The following EXD2 variants were observed in gnomAD, a reference collection of about 807,000 sequenced individuals.
EXD2 encodes the protein exonuclease 3'-5' domain containing 2.
A neutral mutation model predicts 62.5 loss-of-function variants in EXD2; 40 were observed. The observed-to-expected ratio is 0.64, with a 90% confidence interval of 0.50 to 0.83. The LOEUF is 0.83. Among genes scored for constraint, EXD2 ranks in the 40% least tolerant of loss-of-function variants. The pLI, the probability that EXD2 is intolerant of heterozygous loss-of-function variation, is 0.00. For synonymous variants in EXD2, 239 were observed against 291.9 expected (o/e 0.82, Z 1.85); for missense variants, 671 against 761.8 (o/e 0.88, Z 1.40).
chr14:69,229,047 C>T lies in EXD2; in HGVS notation c.565C>T (p.Leu189Phe). 3 of 1,614,188 alleles carry T rather than the reference C, an allele frequency of 1.9e-6. No individual in the cohort carries two copies. Among genetic ancestry groups the T allele is most frequent in the Non-Finnish European group, 2.5e-6 (3 of 1,180,026 alleles). Residue 189 changes from leucine (L) to phenylalanine (F), a missense_variant, in exon 4 of 10, where the codon CTC becomes TTC. Physicochemically the swap from Leu to Phe is conservative, Grantham distance 22. Transcript: ENST00000685843. ...YGLVVRGCLD[L>F]RYLAMRQRNN... ...CCTCGTTGTTAGGGGGTGCCTGGAC[C>T]TCCGATACCTAGCCATGCGGCAGAG...
At chr14:69,198,545 T>C (rs1409956017) in intron 1 of EXD2, among the ~76,000 whole-genome samples, 2 of 152,252 alleles carry the variant, frequency 1.3e-5, no homozygotes, top group East Asian at 3.8e-4. Context: ...TGACTTGTCC[T>C]GTATCTACTC....
chr14:69,194,990 G>A lies in EXD2; in HGVS notation c.-132+3399G>A, dbSNP rs115240902. Reference sequence around the variant, plus strand: ...TCCCAGCACTTTGGGTGGTTGAGACGGGCGGATCACCAGGTCAAGAGTTTG... The same window carrying A: ...TCCCAGCACTTTGGGTGGTTGAGACAGGCGGATCACCAGGTCAAGAGTTTG... On this transcript the variant is annotated intron_variant, in intron 1 of 9. Coordinates refer to ENST00000685843, the MANE Select transcript of EXD2 (RefSeq NM_001193360.2). Among the ~76,000 whole-genome samples, 1,302 of 152,192 alleles carry A rather than the reference G, an allele frequency of 8.6e-3. 22 individuals carry two copies. The highest frequency in any genetic ancestry group is 0.03 in the African/African-American group (1,242 of 41,520).
chr14:69,209,562 G>C lies in EXD2; in HGVS notation c.92G>C (p.Arg31Pro), dbSNP rs182466488. The C allele has an allele frequency of 5.2e-5, 81 of 1,550,432 alleles. No homozygotes were observed. The highest frequency in any genetic ancestry group is 3.3e-4 in the Admixed American group (17 of 50,964). The change falls in exon 3 of 10, where the codon CGC becomes CCC. Residue 31 changes from arginine (R) to proline (P), a missense_variant. Coordinates refer to ENST00000685843, the MANE Select transcript of EXD2 (RefSeq NM_001193360.2). ...GTCCTCTGGAAAGGCATCCAGCGCC[G>C]CCGAAGGAGTAAAACGAGTCCTGTG... ...GFVLWKGIQR[R>P]RRSKTSPVTQ...
At chr14:69,208,366 A>G (rs2042686008) in intron 2 of EXD2, among the ~76,000 whole-genome samples, 1 of 151,594 alleles carries the variant, frequency 6.6e-6, no homozygotes. Context: ...GCCCGCCACC[A>G]CGCCTGGCTA....
chr14:69,228,281 T>A (rs2043437244), intron 3 of EXD2, among the ~76,000 whole-genome samples: 1 of 137,090 alleles, frequency 7.3e-6, no homozygotes, highest in South Asian at 2.5e-4. Flanking sequence ...AACCTCTGCC[T>A]CCCGGGTTCA....
At chr14:69,215,505 A>G (rs78860292) in intron 3 of EXD2, among the ~76,000 whole-genome samples, 5,694 of 152,260 alleles carry the variant, frequency 0.037, 118 homozygotes, top group African/African-American at 0.06. Context: ...CTGTTTACCA[A>G]GATCTTTTTA....
At chr14:69,231,164 T>C (rs2331956) in intron 5 of EXD2, among the ~76,000 whole-genome samples, 47,602 of 152,064 alleles carry the variant, frequency 0.31, 9,872 homozygotes, top group East Asian at 0.92. Flanking sequence ...AAAAAAAATA[T>C]AGTGTTATAA....
At chr14:69,237,446 G>T in intron 8 of EXD2, 129 bp from the exon 9 acceptor site, 2 of 766,158 alleles carry the variant, frequency 2.6e-6, no homozygotes, top group East Asian at 2.5e-5. Context: ...GATCTGTGTT[G>T]GGCGGTGGTG....
intron 9 of EXD2, among the ~76,000 whole-genome samples, chr14:69,239,637 A>T (rs1022181637): frequency 6.6e-6 from 1 of 152,234 alleles, no homozygotes. Context: ...CTATATCTTA[A>T]ATTTAAAAAA....
chr14:69,219,005 A>C (rs1295918735), intron 3 of EXD2, among the ~76,000 whole-genome samples: 5 of 152,092 alleles, frequency 3.3e-5, no homozygotes, highest in East Asian at 1.9e-4. Context: ...TTTTTTGGTT[A>C]CATATGAACT....
rs2043976757 is a variant in EXD2, at chr14:69,241,283, G to A, written c.*183G>A. ...GATATTGTTTGAAGGAGAGTTTATGGTTTTGGATTTTAAACGGGCAGGGTC... is the reference window on the plus strand; with the variant it reads ...GATATTGTTTGAAGGAGAGTTTATGATTTTGGATTTTAAACGGGCAGGGTC... On this transcript the variant is annotated 3_prime_UTR_variant, in exon 10 of 10. Transcript: ENST00000685843. 2 of 579,642 alleles carry A rather than the reference G, an allele frequency of 3.5e-6. No homozygotes were observed. The highest frequency in any genetic ancestry group is 5.9e-6 in the Non-Finnish European group (2 of 337,214). 35.9% of individuals were successfully genotyped at this position (579,642 alleles called of 1,614,324 possible).
intron 2 of EXD2, chr14:69,209,097 T>C (rs2042716225): frequency 6.4e-6 from 1 of 156,838 alleles, no homozygotes; most frequent in African/African-American, 2.4e-5. Flanking sequence ...GAGTCTAGCT[T>C]ATTGTTTTTT....
rs73282617 is a variant in EXD2 at position 69,235,777 on chromosome 14, G to T, written c.1050-269G>T. The stretch of plus-strand genomic sequence containing the variant: ...TCTTTTTTGCATTCACAGCAGAGCT[G>T]TGTGTAAACCACTTGACACACTCCC... On this transcript the variant is annotated intron_variant, in intron 6 of 9. Coordinates refer to ENST00000685843, the MANE Select transcript of EXD2 (RefSeq NM_001193360.2). The T allele has an allele frequency of 4.1e-3, 1,871 of 459,540 alleles. 32 individuals carry two copies. The highest frequency in any genetic ancestry group is 0.033 in the African/African-American group (1,670 of 50,562). 28.5% of individuals were successfully genotyped at this position (459,540 alleles called of 1,614,324 possible).
chr14:69,230,701 G>A (rs1338122560), intron 5 of EXD2, 103 bp downstream of exon 5: 6 of 1,334,288 alleles, frequency 4.5e-6, no homozygotes, highest in Middle Eastern at 1.9e-4. Context: ...ATTGGATGGA[G>A]ATGCCTTAAA....
intron 3 of EXD2, 174 bp downstream of exon 3, chr14:69,209,977 G>A (rs916872424): frequency 1.6e-5 from 8 of 512,714 alleles, no homozygotes; most frequent in Non-Finnish European, 2.7e-5. Context: ...CTCTCAGGAT[G>A]GCGGAGTGCT....
In EXD2 at chr14:69,236,451, C is replaced by A; in HGVS notation, c.1201C>A (p.Pro401Thr). 5.0e-6 allele frequency: 8 copies of A among 1,614,078 alleles called. No homozygotes were observed. Among genetic ancestry groups the A allele is most frequent in the South Asian group, 1.1e-5 (1 of 91,064 alleles). The change falls in exon 8 of 10, where the codon CCT becomes ACT. Residue 401 changes from proline to threonine, a missense_variant. Transcript: ENST00000685843. ...EPFVVKLRFE[P>T]AGRPESPGDY... ...CTTTGTGGTGAAGCTACGGTTTGAA[C>A]CTGCAGGAAGGCCCGAATCTCCTGG...
intron 3 of EXD2, among the ~76,000 whole-genome samples, chr14:69,216,022 G>A (rs1169034389): frequency 6.6e-6 from 1 of 152,128 alleles, no homozygotes; most frequent in Admixed American, 6.6e-5. Context: ...CCTATACACA[G>A]TCATGAACAT....
intron 8 of EXD2, among the ~76,000 whole-genome samples, chr14:69,237,216 A>G (rs553215644): frequency 1.3e-5 from 2 of 152,312 alleles, no homozygotes; most frequent in South Asian, 4.1e-4. Context: ...GGCCTTCTTG[A>G]GAGAGTTGTT....
At chr14:69,199,789 T>G (rs1377318010) in intron 1 of EXD2, among the ~76,000 whole-genome samples, 1 of 152,176 alleles carries the variant, frequency 6.6e-6, no homozygotes, top group Admixed American at 6.5e-5. Flanking sequence ...TAACAATGCC[T>G]TCTGGAATAA....
Sources: allele counts gnomAD v4.1 joint callset (sites outside exome capture counted in the v4.1 genomes callset), GRCh38; gene constraint gnomAD v4.1.1; transcripts MANE v1.5; gene names NCBI Gene and HGNC (gene_info 2026-07-23, HGNC 2026-07-21).